The following PEAK1 variants were observed in gnomAD, a reference collection of about 807,000 sequenced individuals.
PEAK1 encodes the protein inactive tyrosine-protein kinase PEAK1.
Under a neutral mutation model 124.7 loss-of-function variants are expected in PEAK1, and 54 were observed. The observed-to-expected ratio is 0.43, with a 90% CI of 0.35 to 0.54. The LOEUF is 0.54. PEAK1 is among the 20% of genes least tolerant of loss of function. The pLI, the probability that PEAK1 is intolerant of heterozygous loss-of-function variation, is 0.01. For synonymous variants in PEAK1, 719 were observed against 760.0 expected, an observed-to-expected ratio of 0.95 and a Z score of 0.89; for missense variants, 2,046 against 2,134.5, an observed-to-expected ratio of 0.96 and a Z score of 0.82.
chr15:77,304,596 C>T (rs952680343), intron 2 of PEAK1, among the ~76,000 whole-genome samples: 4 of 151,832 alleles, frequency 2.6e-5, no homozygotes, highest in African/African-American at 4.8e-5. Context: ...TACAGGTGCC[C>T]GCCACCACGT....
intron 6 of PEAK1, among the ~76,000 whole-genome samples, chr15:77,236,998 T>C (rs777264595): frequency 6.6e-6 from 1 of 152,242 alleles, no homozygotes; most frequent in Non-Finnish European, 1.5e-5. Context: ...TGTGGAACCA[T>C]GAGTCAATTA....
intron 1 of PEAK1, among the ~76,000 whole-genome samples, chr15:77,394,331 T>C (rs915403484): frequency 1.3e-5 from 2 of 152,224 alleles, no homozygotes; most frequent in African/African-American, 4.8e-5. Context: ...TGAGAGCCGG[T>C]GCCATGCTGA....
At chr15:77,286,012 A>G (rs2152973555) in intron 3 of PEAK1, among the ~76,000 whole-genome samples, 1 of 152,264 alleles carries the variant, frequency 6.6e-6, no homozygotes, top group Middle Eastern at 3.4e-3. Flanking sequence ...ATTTCCCTCT[A>G]TACACTGCTT....
Position 77,133,582 on chromosome 15 carries a change from G to C in PEAK1, c.3500C>G (p.Pro1167Arg). The change falls in exon 9 of 10, where the codon CCA becomes CGA. Residue 1167 changes from proline (P) to arginine (R), a missense_variant. Physicochemically the swap from Pro to Arg is moderately radical, Grantham distance 103. Transcript: ENST00000682557. This position sits in a 1 kb window ranked among gnomAD's most constrained non-coding sequence, Gnocchi z 4.2. ...KKMIIRANTE[P>R]ISKDLQKSME... ...GGATTTTTGGAGGTCCTTGGAGATT[G>C]GCTCTGTATTGGCTCTTATGATCAT... 1 of 1,614,138 alleles carries C rather than the reference G, an allele frequency of 6.2e-7. No individual in the cohort carries two copies. Among genetic ancestry groups the C allele is most frequent in the Non-Finnish European group, 8.5e-7 (1 of 1,180,006 alleles).
chr15:77,178,694 A>G, intron 7 of PEAK1, 96 bp downstream of exon 7: 1 of 1,232,706 alleles, frequency 8.1e-7, no homozygotes. Flanking sequence ...ACTTACAAAC[A>G]GAAATGGTTC....
At chr15:77,342,242 T>C (rs1233376842) in intron 2 of PEAK1, among the ~76,000 whole-genome samples, 1 of 151,796 alleles carries the variant, frequency 6.6e-6, no homozygotes, top group Non-Finnish European at 1.5e-5. Flanking sequence ...ATATTCACAT[T>C]GTTGTGAAAC....
At position 77,189,203 on chromosome 15, in the gene PEAK1, A is replaced by AAAAAC. The variant is rs112278728; in HGVS notation, c.-114-7168_-114-7164dup. Among the ~76,000 whole-genome samples, 99 of 152,306 alleles carry AAAAAC rather than the reference A, an allele frequency of 6.5e-4. 2 individuals are homozygous for AAAAAC. Among genetic ancestry groups the AAAAAC allele is most frequent in the African/African-American group, 2.2e-3 (93 of 41,568 alleles). On this transcript the variant is annotated intron_variant, in intron 6 of 9. Coordinates refer to ENST00000682557, the MANE Select transcript of PEAK1 (RefSeq NM_001385026.1). ...GCAACAGAGCGAGACTCTATCTCAAAAAAACAAAACAAAACAAACACCTCA... is the reference window on the plus strand; with the variant it reads ...GCAACAGAGCGAGACTCTATCTCAAAAAAACAAAACAAAACAAAACAAACACCTCA...
chr15:77,134,210 CAG>C (rs2053125430), intron 8 of PEAK1, among the ~76,000 whole-genome samples: 1 of 152,204 alleles, frequency 6.6e-6, no homozygotes, highest in South Asian at 2.1e-4. Flanking sequence ...GACCATTAGA[CAG>C]GGGCTCAGAA....
intron 6 of PEAK1, among the ~76,000 whole-genome samples, chr15:77,185,895 G>A (rs2057521880): frequency 6.6e-6 from 1 of 152,122 alleles, no homozygotes; most frequent in Non-Finnish European, 1.5e-5. Flanking sequence ...TGTGTTTTAT[G>A]GACAAAGGAA....
In PEAK1 at chr15:77,179,214, C is replaced by T; in HGVS notation, c.2713G>A (p.Ala905Thr). 1.2e-6 allele frequency: 2 copies of T among 1,614,166 alleles called. No homozygotes were observed. Among genetic ancestry groups the T allele is most frequent in the African/African-American group, 1.3e-5 (1 of 75,046 alleles). Residue 905 changes from alanine to threonine, a missense_variant, in exon 7 of 10, where the codon GCT becomes ACT. By Grantham distance (58) the Ala-to-Thr change is moderately conservative. Transcript: ENST00000682557. ...KPTSPTRSTE[A>T]ESVLHSEGSR... ...CCTTCAGAGTGCAAAACTGATTCAGCTTCTGTTGACCTGGTAGGGCTGGTT... is the reference window on the plus strand; with the variant it reads ...CCTTCAGAGTGCAAAACTGATTCAGTTTCTGTTGACCTGGTAGGGCTGGTT...
intron 2 of PEAK1, chr15:77,334,395 T>G (rs2066069633): frequency 1.0e-6 from 1 of 985,176 alleles, no homozygotes; most frequent in Admixed American, 6.2e-5. Flanking sequence ...AAGAAATATT[T>G]TCCAGATGAA....
intron 7 of PEAK1, among the ~76,000 whole-genome samples, chr15:77,168,163 A>G (rs2056243925): frequency 6.6e-6 from 1 of 152,024 alleles, no homozygotes; most frequent in Non-Finnish European, 1.5e-5. Flanking sequence ...AGGACATGAC[A>G]TTTTACCAGT....
At chr15:77,187,109 T>C (rs1596524572) in intron 6 of PEAK1, among the ~76,000 whole-genome samples, 1 of 152,206 alleles carries the variant, frequency 6.6e-6, no homozygotes, top group Admixed American at 6.5e-5. Context: ...GAAAAGCTCA[T>C]TTACCTCCAC....
intron 1 of PEAK1, chr15:77,419,595 C>G (rs1218839736): frequency 4.1e-6 from 4 of 984,958 alleles, no homozygotes; most frequent in Non-Finnish European, 4.8e-6. Flanking sequence ...CCAGAGAAGC[C>G]CCTCCTGCCC....
chr15:77,122,867 A>G (rs759799000), intron 9 of PEAK1, among the ~76,000 whole-genome samples: 9 of 152,244 alleles, frequency 5.9e-5, no homozygotes, highest in Non-Finnish European at 8.8e-5. Flanking sequence ...GTCTGTATAT[A>G]TAGTCTGAAC....
intron 2 of PEAK1, among the ~76,000 whole-genome samples, chr15:77,341,003 T>C: frequency 6.6e-6 from 1 of 151,920 alleles, no homozygotes; most frequent in Non-Finnish European, 1.5e-5. Context: ...CAGGCTGGAC[T>C]GTGGTGGCAC....
chr15:77,377,555 C>T (rs1048018734), intron 1 of PEAK1, among the ~76,000 whole-genome samples: 14 of 151,916 alleles, frequency 9.2e-5, no homozygotes, highest in Admixed American at 3.9e-4. Flanking sequence ...CTGCAACCTC[C>T]ACCTCCCAGG....
At chr15:77,100,797 A>T (rs898618541) in exon 7 of PEAK1, 2 of 152,248 alleles carry the variant, frequency 1.3e-5, no homozygotes, top group African/African-American at 4.8e-5. Context: ...ATTAATTAAC[A>T]TCTATTACAA....
chr15:77,300,166 A>C (rs1035463776), intron 2 of PEAK1, among the ~76,000 whole-genome samples: 2 of 152,198 alleles, frequency 1.3e-5, no homozygotes, highest in Admixed American at 1.3e-4. Context: ...TTTTAGACTG[A>C]ATTATTCAGG....
Sources: gnomAD v4.1 joint callset for allele counts (sites outside exome capture counted in the v4.1 genomes callset) on GRCh38, gnomAD v4.1.1 for gene constraint, Gnocchi (gnomAD v3.1) non-coding constraint, MANE v1.5 for transcripts, NCBI Gene and HGNC (gene_info 2026-07-23, HGNC 2026-07-21) for gene names.